PIP5K1B: variants seen among roughly 807,000 people sequenced by gnomAD.
PIP5K1B encodes phosphatidylinositol 4-phosphate 5-kinase type-1 beta.
In PIP5K1B, 42 loss-of-function variants were observed where a neutral mutation model predicts 67.0. The ratio of observed to expected loss-of-function variants is 0.63; its 90% CI spans 0.49 to 0.81. PIP5K1B has a LOEUF of 0.81. Among genes scored for constraint, PIP5K1B ranks in the 30% least tolerant of loss-of-function variants. PIP5K1B has a pLI of 0.00. For missense variants in PIP5K1B, 459 were observed against 646.3 expected (o/e 0.71, Z 3.14); for synonymous variants, 214 against 231.4 (o/e 0.92, Z 0.68).
intron 15 of PIP5K1B, among the ~76,000 whole-genome samples, chr9:68,995,232 A>G (rs1185973479): frequency 1.3e-5 from 2 of 151,214 alleles, no homozygotes; most frequent in Non-Finnish European, 1.5e-5. Flanking sequence ...GAGGGGAGAA[A>G]GAAAGAGAGA....
chr9:68,810,908 C>CTCA (rs1385912836), intron 2 of PIP5K1B, among the ~76,000 whole-genome samples: 2 of 152,160 alleles, frequency 1.3e-5, no homozygotes, highest in Non-Finnish European at 2.9e-5. Context: ...AGACAATCTT[C>CTCA]TCATTGTTTT....
rs549659748 is a variant in PIP5K1B, at chr9:68,894,780, G to A, written c.771+142G>A. 30 of 755,646 alleles carry A rather than the reference G, an allele frequency of 4.0e-5. No individual in the cohort carries two copies. The African/African-American group carries it at 4.2e-4, about 11-fold the overall frequency. 46.8% of individuals were successfully genotyped at this position (755,646 alleles called of 1,614,324 possible). A position where few individuals can be genotyped will look rare whatever the true frequency, so the allele number is the denominator to read the frequency against. ...CTATCTTTCCCAATCCTGGCGCTGA[G>A]CCATGCTTCCCTGATATTGAAGGAA... On this transcript the variant is annotated intron_variant, in intron 8 of 15. Transcript: ENST00000265382.
At chr9:68,729,285 G>T (rs1009972804) in intron 1 of PIP5K1B, among the ~76,000 whole-genome samples, 21 of 152,062 alleles carry the variant, frequency 1.4e-4, no homozygotes, top group East Asian at 1.9e-4. Flanking sequence ...CTTCTTATAA[G>T]AACTTTTCAA....
chr9:68,894,767 A>T lies in PIP5K1B; in HGVS notation c.771+129A>T, dbSNP rs1235934985. ...GACATGTGGAATCCTATCTTTCCCAATCCTGGCGCTGAGCCATGCTTCCCT... is the reference window on the plus strand; with the variant it reads ...GACATGTGGAATCCTATCTTTCCCATTCCTGGCGCTGAGCCATGCTTCCCT... On this transcript the variant is annotated intron_variant, in intron 8 of 15. Coordinates refer to ENST00000265382, the MANE Select transcript of PIP5K1B (RefSeq NM_003558.4). 9 of 835,498 alleles carry T rather than the reference A, an allele frequency of 1.1e-5. No homozygotes were observed. The East Asian group carries it at 2.0e-4, about 19-fold the overall frequency. 51.8% of individuals were successfully genotyped at this position (835,498 alleles called of 1,614,324 possible). A position where few individuals can be genotyped will look rare whatever the true frequency, so the allele number is the denominator to read the frequency against.
intron 8 of PIP5K1B, among the ~76,000 whole-genome samples, chr9:68,907,781 T>G (rs1332698026): frequency 2.6e-5 from 4 of 152,230 alleles, no homozygotes; most frequent in Non-Finnish European, 4.4e-5. Context: ...TGTAGAAGGC[T>G]CTGTGCTAAG....
intron 2 of PIP5K1B, among the ~76,000 whole-genome samples, chr9:68,788,064 C>T (rs895259305): frequency 6.6e-6 from 1 of 152,220 alleles, no homozygotes; most frequent in African/African-American, 2.4e-5. Context: ...ACACAAGCAT[C>T]AAGCATCTCT....
intron 1 of PIP5K1B, among the ~76,000 whole-genome samples, chr9:68,712,286 C>G (rs374996522): frequency 3.3e-5 from 5 of 152,328 alleles, no homozygotes; most frequent in African/African-American, 1.2e-4. Flanking sequence ...CCCTCTCTCA[C>G]CAGAAGCAGA....
intron 4 of PIP5K1B, among the ~76,000 whole-genome samples, chr9:68,825,789 G>A (rs928046614): frequency 2.0e-5 from 3 of 152,172 alleles, no homozygotes; most frequent in Admixed American, 2.0e-4. Context: ...ATAATGAGGA[G>A]TTCAAAAGGG....
At chr9:68,751,873 A>G (rs943351222) in intron 2 of PIP5K1B, among the ~76,000 whole-genome samples, 24 of 152,208 alleles carry the variant, frequency 1.6e-4, no homozygotes, top group African/African-American at 5.1e-4. Context: ...GTTTAGTTTT[A>G]TGTTATATGA....
At chr9:68,920,886 G>T (rs1028954039) in intron 11 of PIP5K1B, among the ~76,000 whole-genome samples, 4 of 151,566 alleles carry the variant, frequency 2.6e-5, no homozygotes, top group African/African-American at 9.7e-5. Context: ...ACATTTATTG[G>T]CCTAAGTTAA....
At chr9:68,914,157 A>G (rs1387402649) in intron 8 of PIP5K1B, among the ~76,000 whole-genome samples, 1 of 152,186 alleles carries the variant, frequency 6.6e-6, no homozygotes, top group Non-Finnish European at 1.5e-5. Context: ...TGAATATTGC[A>G]TGACAATATA....
intron 11 of PIP5K1B, among the ~76,000 whole-genome samples, chr9:68,922,287 A>G (rs1826442600): frequency 2.6e-5 from 4 of 152,066 alleles, no homozygotes; most frequent in Non-Finnish European, 5.9e-5. Context: ...CAACATGGTC[A>G]AAACCCCTCT....
Position 68,876,873 on chromosome 9 carries a change from C to T in PIP5K1B, c.318+79C>T, listed in dbSNP as rs557504615. ...GTCTCATAGCAACAGCAACAAGTGG[C>T]TTGTGTCTCTCATTTTATAAAGCTC... On this transcript the variant is annotated intron_variant, in intron 6 of 15. Coordinates refer to ENST00000265382, the MANE Select transcript of PIP5K1B (RefSeq NM_003558.4). The T allele has an allele frequency of 5.5e-5, 42 of 764,468 alleles. No individual in the cohort carries two copies. The Admixed American group carries it at 8.2e-4, about 15-fold the overall frequency. 47.4% of individuals were successfully genotyped at this position (764,468 alleles called of 1,614,324 possible).
chr9:68,840,301 C>T (rs1187946350), intron 4 of PIP5K1B, among the ~76,000 whole-genome samples: 1 of 151,644 alleles, frequency 6.6e-6, no homozygotes, highest in Non-Finnish European at 1.5e-5. Context: ...CGCTTGAACC[C>T]AGGAGGCGGA....
At chr9:68,706,762 A>C (rs1827144822) in intron 1 of PIP5K1B, among the ~76,000 whole-genome samples, 1 of 152,152 alleles carries the variant, frequency 6.6e-6, no homozygotes, top group Non-Finnish European at 1.5e-5. Context: ...ATCTCGTGCA[A>C]GGAAGAAGCG....
At chr9:68,995,562 T>C (rs1476630496) in intron 15 of PIP5K1B, among the ~76,000 whole-genome samples, 2 of 152,082 alleles carry the variant, frequency 1.3e-5, no homozygotes. Context: ...TCCCAGCACT[T>C]TGGGAGGCCG....
intron 2 of PIP5K1B, among the ~76,000 whole-genome samples, chr9:68,773,442 C>T (rs985256329): frequency 6.6e-6 from 1 of 152,182 alleles, no homozygotes; most frequent in Non-Finnish European, 1.5e-5. Context: ...CTATTCTATT[C>T]AAAAGACTTA....
chr9:68,901,333 A>T (rs1357453752), intron 8 of PIP5K1B, among the ~76,000 whole-genome samples: 2 of 152,302 alleles, frequency 1.3e-5, no homozygotes, highest in East Asian at 3.9e-4. Flanking sequence ...ATCTCGGCTC[A>T]CTGCAACCTC....
intron 12 of PIP5K1B, among the ~76,000 whole-genome samples, chr9:68,933,362 T>C (rs189848699): frequency 1.3e-5 from 2 of 152,338 alleles, no homozygotes; most frequent in Admixed American, 6.5e-5. Flanking sequence ...TAATGGCTTC[T>C]TCCTTGTAAA....
Sources: allele counts gnomAD v4.1 joint callset (sites outside exome capture counted in the v4.1 genomes callset), GRCh38; gene constraint gnomAD v4.1.1; transcripts MANE v1.5; gene names NCBI Gene and HGNC (gene_info 2026-07-23, HGNC 2026-07-21).